The following ERI3 variants were observed in gnomAD, a reference collection of about 807,000 sequenced individuals.
ERI3 encodes the protein ERI1 exoribonuclease 3.
In ERI3, 18 loss-of-function variants were observed where a neutral mutation model predicts 44.4. The ratio of observed to expected loss-of-function variants is 0.41; its 90% CI spans 0.28 to 0.60. ERI3 has a LOEUF of 0.60. ERI3 is among the 20% of genes least tolerant of loss of function. The pLI, the probability that ERI3 is intolerant of heterozygous loss-of-function variation, is 0.36. For missense variants in ERI3, 294 were observed against 435.5 expected (o/e 0.68, Z 2.89); for synonymous variants, 183 against 164.8 (o/e 1.11, Z -0.84).
intron 8 of ERI3, among the ~76,000 whole-genome samples, chr1:44,233,113 C>T (rs1182979473): frequency 6.6e-6 from 1 of 152,172 alleles, no homozygotes; most frequent in Non-Finnish European, 1.5e-5. Context: ...TAGACTAGTG[C>T]CACTTACAAA....
At chr1:44,301,720 A>G (rs905384563) in intron 6 of ERI3, among the ~76,000 whole-genome samples, 3 of 152,132 alleles carry the variant, frequency 2.0e-5, no homozygotes, top group Admixed American at 2.0e-4. Context: ...CACTACCCTG[A>G]CCCACCCACT....
At chr1:44,223,036 T>G (rs376804395) in intron 8 of ERI3, among the ~76,000 whole-genome samples, 2 of 152,140 alleles carry the variant, frequency 1.3e-5, no homozygotes, top group South Asian at 2.1e-4. Flanking sequence ...GAGCCTGCTT[T>G]GGGCAGGCAA....
chr1:44,313,850 G>A (rs1646025307), intron 4 of ERI3, among the ~76,000 whole-genome samples: 1 of 152,092 alleles, frequency 6.6e-6, no homozygotes, highest in South Asian at 2.1e-4. Context: ...TTTAACCAAT[G>A]GGGAAACTAA....
chr1:44,310,951 T>TTGCG (rs1553195164), intron 5 of ERI3, among the ~76,000 whole-genome samples: 2 of 95,024 alleles, frequency 2.1e-5, no homozygotes, highest in Non-Finnish European at 4.4e-5. Flanking sequence ...TATGTGCACA[T>TTGCG]CGCGCGCGCG....
At chr1:44,332,904 C>T (rs1354276942) in intron 3 of ERI3, among the ~76,000 whole-genome samples, 1 of 152,204 alleles carries the variant, frequency 6.6e-6, no homozygotes, top group Non-Finnish European at 1.5e-5. Context: ...TAGTGGGCCA[C>T]CCCATTCCCA....
intron 7 of ERI3, among the ~76,000 whole-genome samples, chr1:44,274,118 C>A (rs1645136923): frequency 6.6e-6 from 1 of 152,200 alleles, no homozygotes; most frequent in African/African-American, 2.4e-5. Flanking sequence ...GACAGTAAGG[C>A]ATTTCTGTCC....
intron 8 of ERI3, among the ~76,000 whole-genome samples, chr1:44,237,400 A>T (rs1644330071): frequency 6.6e-6 from 1 of 152,204 alleles, no homozygotes; most frequent in African/African-American, 2.4e-5. Flanking sequence ...TTTTCTAGAA[A>T]TTTAAATAGA....
intron 6 of ERI3, among the ~76,000 whole-genome samples, chr1:44,294,625 C>T (rs1278258270): frequency 6.6e-6 from 1 of 152,226 alleles, no homozygotes; most frequent in Non-Finnish European, 1.5e-5. Flanking sequence ...GAGCTGCCAC[C>T]AGGGCCTGGC....
intron 3 of ERI3, among the ~76,000 whole-genome samples, chr1:44,322,319 A>T (rs1223302187): frequency 6.6e-6 from 1 of 151,880 alleles, no homozygotes; most frequent in Admixed American, 6.6e-5. Context: ...AATGGGGCCA[A>T]CTACGTGCTG....
intron 2 of ERI3, 46 bp downstream of exon 2, chr1:44,352,804 T>A: frequency 1.9e-6 from 3 of 1,610,238 alleles, no homozygotes; most frequent in Non-Finnish European, 2.5e-6. Flanking sequence ...GCCCAAATAC[T>A]CAGAAGAAAA....
chr1:44,339,212 A>G lies in ERI3; in HGVS notation c.322T>C (p.Ser108Pro). Reference protein sequence around the residue: ...ARKVLGSHLFSPCGVPEFCSI... With the variant: ...ARKVLGSHLFPPCGVPEFCSI... Reference sequence around the variant, plus strand: ...CAGAACTCCGGAACACCACAGGGAGAAAATAAGTGGGAGCCCAGCACTTTT... The same window carrying G: ...CAGAACTCCGGAACACCACAGGGAGGAAATAAGTGGGAGCCCAGCACTTTT... Residue 108 changes from serine (S) to proline (P), a missense_variant, in exon 3 of 9, where the codon TCT (serine) becomes CCT (proline). This residue lies in a region of ERI3 where 187 missense variants were observed against 338.6 expected (regional missense o/e 0.55). Transcript: ENST00000372257. The G allele has an allele frequency of 6.2e-7, 1 of 1,614,048 alleles. No individual in the cohort carries two copies. Among genetic ancestry groups the G allele is most frequent in the Non-Finnish European group, 8.5e-7 (1 of 1,180,000 alleles).
intron 6 of ERI3, among the ~76,000 whole-genome samples, chr1:44,300,700 G>A (rs1645705221): frequency 6.6e-6 from 1 of 152,178 alleles, no homozygotes; most frequent in Non-Finnish European, 1.5e-5. Flanking sequence ...ACCATCAGGA[G>A]CCCCTTTAGT....
At chr1:44,266,399 G>A (rs1317130152) in intron 7 of ERI3, among the ~76,000 whole-genome samples, 1 of 152,212 alleles carries the variant, frequency 6.6e-6, no homozygotes, top group African/African-American at 2.4e-5. Flanking sequence ...CAAAGGTCAG[G>A]CTAGAGAGCT....
chr1:44,339,354 A>AT, intron 2 of ERI3, 32 bp from the exon 3 acceptor site: 1 of 1,491,588 alleles, frequency 6.7e-7, no homozygotes, highest in East Asian at 2.3e-5. Flanking sequence ...AAAAAAAAAA[A>AT]AAAAGAAAAG....
At chr1:44,257,095 G>A (rs1222546366) in intron 7 of ERI3, among the ~76,000 whole-genome samples, 1 of 152,112 alleles carries the variant, frequency 6.6e-6, no homozygotes, top group Non-Finnish European at 1.5e-5. Flanking sequence ...TCCCCGGGGT[G>A]CTGGGGATTG....
chr1:44,222,423 C>A (rs1489600902), intron 8 of ERI3, among the ~76,000 whole-genome samples: 1 of 152,214 alleles, frequency 6.6e-6, no homozygotes, highest in Non-Finnish European at 1.5e-5. Flanking sequence ...CCTTTTTGGG[C>A]CCTGTTTCTG....
chr1:44,240,689 C>CAAATGTAG (rs950773169), intron 8 of ERI3, among the ~76,000 whole-genome samples: 1 of 152,192 alleles, frequency 6.6e-6, no homozygotes, highest in African/African-American at 2.4e-5. Flanking sequence ...TGGCCCTCAG[C>CAAATGTAG]AAATGTAGAA....
At chr1:44,298,717 C>A (rs11590589) in intron 6 of ERI3, among the ~76,000 whole-genome samples, 38,424 of 151,946 alleles carry the variant, frequency 0.25, 4,945 homozygotes, top group Non-Finnish European at 0.26. Context: ...GAGTTCGAGA[C>A]CAGCCTGGGC....
intron 6 of ERI3, among the ~76,000 whole-genome samples, chr1:44,291,835 C>T (rs1404730920): frequency 6.6e-6 from 1 of 152,190 alleles, no homozygotes; most frequent in Non-Finnish European, 1.5e-5. Context: ...TCGCCTACTG[C>T]AGGACCTGGA....
Sources: allele counts gnomAD v4.1 joint callset (sites outside exome capture counted in the v4.1 genomes callset), GRCh38; gene constraint gnomAD v4.1.1; regional missense constraint gnomAD v4.1.1; transcripts MANE v1.5; gene names NCBI Gene and HGNC (gene_info 2026-07-23, HGNC 2026-07-21).